The following NECTIN3 variants were observed in gnomAD, a reference collection of about 807,000 sequenced individuals.
NECTIN3 encodes nectin-3.
Under a neutral mutation model 49.4 loss-of-function variants are expected in NECTIN3, and 8 were observed. The ratio of observed to expected loss-of-function variants is 0.16; its 90% CI spans 0.10 to 0.29. The LOEUF (loss-of-function observed/expected upper bound fraction) is 0.29. Among genes scored for constraint, NECTIN3 ranks in the 10% least tolerant of loss-of-function variants. The pLI is 1.00. For synonymous variants in NECTIN3, 277 were observed against 241.1 expected (o/e 1.15, Z -1.38); for missense variants, 581 against 654.6 (o/e 0.89, Z 1.23).
chr3:111,117,737 A>G (rs987918963), intron 2 of NECTIN3, among the ~76,000 whole-genome samples: 6 of 152,132 alleles, frequency 3.9e-5, no homozygotes, highest in Non-Finnish European at 7.4e-5. Flanking sequence ...CTCAATGCAC[A>G]GAGTAAACTA....
rs2034498025 is a variant in NECTIN3 at position 111,134,209 on chromosome 3, T to C, written c.1644T>C (p.Tyr548=). 1 of 1,592,116 alleles carries C rather than the reference T, an allele frequency of 6.3e-7. No individual in the cohort carries two copies. The highest frequency in any genetic ancestry group is 8.5e-7 in the Non-Finnish European group (1 of 1,170,982). Residue 548 remains tyrosine (Y), a synonymous_variant, in exon 6 of 6, where the codon TAT becomes TAC. Coordinates refer to ENST00000485303, the MANE Select transcript of NECTIN3 (RefSeq NM_015480.3). ...CCGTAATTTCCAGGAGGGAGTGGTA[T>C]GTTTAGCAACCACTGAATGTGACTT... ...DGSVISRREW[Y]V
At position 111,134,850 on chromosome 3, in the gene NECTIN3, T is replaced by C; in HGVS notation, c.*635T>C. 4 of 982,702 alleles carry C rather than the reference T, an allele frequency of 4.1e-6. No homozygotes were observed. Among genetic ancestry groups the C allele is most frequent in the Non-Finnish European group, 4.8e-6 (4 of 827,556 alleles). 60.9% of individuals were successfully genotyped at this position (982,702 alleles called of 1,614,324 possible). On this transcript the variant is annotated 3_prime_UTR_variant, in exon 6 of 6. Coordinates refer to ENST00000485303, the MANE Select transcript of NECTIN3 (RefSeq NM_015480.3). ...GCTTTTCAAAGATATTTTGTTGCACTAAAACTGTGGTAGTAAACTCAGTGA... is the reference window on the plus strand; with the variant it reads ...GCTTTTCAAAGATATTTTGTTGCACCAAAACTGTGGTAGTAAACTCAGTGA...
At chr3:111,094,795 C>G (rs2032489849) in intron 1 of NECTIN3, among the ~76,000 whole-genome samples, 1 of 152,238 alleles carries the variant, frequency 6.6e-6, no homozygotes, top group African/African-American at 2.4e-5. Flanking sequence ...GAGAGTACTC[C>G]CTGCCTAGTG....
At chr3:111,166,574 T>G (rs552765509) in intron 7 of NECTIN3, among the ~76,000 whole-genome samples, 71 of 152,362 alleles carry the variant, frequency 4.7e-4, no homozygotes, top group Non-Finnish European at 8.8e-4. Context: ...TTTCTTATAT[T>G]ATCCTGTTTT....
chr3:111,082,898 A>G (rs1321747788), intron 1 of NECTIN3, among the ~76,000 whole-genome samples: 1 of 152,182 alleles, frequency 6.6e-6, no homozygotes, highest in Non-Finnish European at 1.5e-5. Flanking sequence ...CAGGCATTAG[A>G]TTCTTGTAAG....
At chr3:111,164,720 C>T (rs2035284877) in intron 7 of NECTIN3, among the ~76,000 whole-genome samples, 1 of 152,132 alleles carries the variant, frequency 6.6e-6, no homozygotes. Context: ...TTTTCTTTTT[C>T]TTACAAGAAC....
At chr3:111,160,244 C>T (rs1576170282) in intron 7 of NECTIN3, among the ~76,000 whole-genome samples, 5 of 152,290 alleles carry the variant, frequency 3.3e-5, no homozygotes, top group Admixed American at 3.3e-4. Flanking sequence ...CAGCTAGCTA[C>T]CTTCTTAATA....
chr3:111,193,860 C>T (rs141072782), intron 1 of NECTIN3, among the ~76,000 whole-genome samples: 14 of 152,302 alleles, frequency 9.2e-5, no homozygotes, highest in Admixed American at 2.6e-4. Flanking sequence ...AATACAATTA[C>T]AATACCTGTG....
At chr3:111,139,023 T>G (rs2034674885), downstream of NECTIN3, among the ~76,000 whole-genome samples, 1 of 151,672 alleles carries the variant, frequency 6.6e-6, no homozygotes. Flanking sequence ...GACAGAATAA[T>G]GAAATGGACC....
chr3:111,074,725 A>G (rs2031052507), intron 1 of NECTIN3, among the ~76,000 whole-genome samples: 1 of 152,010 alleles, frequency 6.6e-6, no homozygotes, highest in African/African-American at 2.4e-5. Context: ...TTTAAGCCTA[A>G]GAGATTCCTA....
upstream of NECTIN3, among the ~76,000 whole-genome samples, chr3:111,188,547 C>A (rs1435893500): frequency 6.6e-6 from 1 of 152,160 alleles, no homozygotes; most frequent in Non-Finnish European, 1.5e-5. Flanking sequence ...AAATTCACCA[C>A]TTCTGGCTAT....
In NECTIN3 at chr3:111,135,937, C is replaced by CT; in HGVS notation, c.*1724dup. ...TAAGGATACAGATAAATAAAGTTCA[C>CT]TTATATCTTCTTACAAATGTCTGGG... On this transcript the variant is annotated 3_prime_UTR_variant, in exon 6 of 6. Coordinates refer to ENST00000485303, the MANE Select transcript of NECTIN3 (RefSeq NM_015480.3). The CT allele has an allele frequency of 1.1e-6, 1 of 923,156 alleles. No individual in the cohort carries two copies. The highest frequency in any genetic ancestry group is 1.3e-6 in the Non-Finnish European group (1 of 773,956). The allele number at this position is 923,156 out of a possible 1,614,324, so 57.2% of individuals were successfully genotyped here.
intron 1 of NECTIN3, among the ~76,000 whole-genome samples, chr3:111,101,619 G>A (rs1319335662): frequency 1.3e-5 from 2 of 152,114 alleles, no homozygotes; most frequent in Admixed American, 6.6e-5. Flanking sequence ...ACTTTCTGCA[G>A]TGATGCAAAT....
intron 7 of NECTIN3, among the ~76,000 whole-genome samples, chr3:111,149,459 ATGTGTGTGTGTGTGTGTG>A (rs56219611): frequency 1.2e-4 from 15 of 128,402 alleles, no homozygotes; most frequent in South Asian, 2.9e-4. Context: ...TTCTGGTAGG[ATGTGTGTGTGTGTGTGTG>A]TGTGTGTGTG....
intron 1 of NECTIN3, among the ~76,000 whole-genome samples, chr3:111,193,961 T>C (rs1007325900): frequency 6.6e-6 from 1 of 152,174 alleles, no homozygotes; most frequent in Non-Finnish European, 1.5e-5. Flanking sequence ...TGTTGGTTGC[T>C]TTTAAACCTT....
Position 111,143,573 on chromosome 3 carries a change from A to G in NECTIN3, c.1001-1326A>G, listed in dbSNP as rs1208615173. Among the ~76,000 whole-genome samples the G allele has an allele frequency of 4.6e-5, 7 of 151,996 alleles. No homozygotes were observed. In the South Asian group the frequency reaches 1.0e-3, roughly 22 times the overall value. The stretch of plus-strand genomic sequence containing the variant: ...AAATATGTATTTATATGGGAATACT[A>G]TCATGGTAAGTAGATGAAACATATT... On this transcript the variant is annotated intron_variant, in intron 5 of 8. Coordinates refer to the NECTIN3 transcript ENST00000493615.
In NECTIN3 at chr3:111,136,149, A is replaced by T. The variant is rs1344905962; in HGVS notation, c.*1934A>T. ...AAGATGTAAAACTATGGCTTTTTTT[A>T]AAATCAAAATTTCATCTTTTAAAAT... On this transcript the variant is annotated 3_prime_UTR_variant, in exon 6 of 6. Transcript: ENST00000485303. 3 of 981,774 alleles carry T rather than the reference A, an allele frequency of 3.1e-6. No individual in the cohort carries two copies. Among genetic ancestry groups the T allele is most frequent in the South Asian group, 4.7e-5 (1 of 21,212 alleles). The allele number at this position is 981,774 out of a possible 1,614,324, so 60.8% of individuals were successfully genotyped here. A position where few individuals can be genotyped will look rare whatever the true frequency, so the allele number is the denominator to read the frequency against.
chr3:111,133,611 C>A (rs776155789), intron 5 of NECTIN3, 24 bp from the exon 6 acceptor site: 1 of 1,596,592 alleles, frequency 6.3e-7, no homozygotes, highest in East Asian at 2.2e-5. Flanking sequence ...TCTGTGTCTT[C>A]TCTATCTTTA....
chr3:111,160,500 A>G (rs1253241420), intron 7 of NECTIN3, among the ~76,000 whole-genome samples: 1 of 152,188 alleles, frequency 6.6e-6, no homozygotes, highest in African/African-American at 2.4e-5. Flanking sequence ...ACCCAGTTGG[A>G]TTGGATTATC....
Sources: allele counts gnomAD v4.1 joint callset (sites outside exome capture counted in the v4.1 genomes callset), GRCh38; gene constraint gnomAD v4.1.1; transcripts MANE v1.5; gene names NCBI Gene and HGNC (gene_info 2026-07-23, HGNC 2026-07-21).